PHC3: variants seen among roughly 807,000 people sequenced by gnomAD.
PHC3 encodes polyhomeotic homolog 3, also known as polyhomeotic-like protein 3.
Under a neutral mutation model 107.4 loss-of-function variants are expected in PHC3, and 13 were observed. The observed-to-expected ratio is 0.12, with a 90% confidence interval of 0.08 to 0.19. PHC3 has a LOEUF of 0.19. Among genes scored for constraint, PHC3 ranks in the 10% least tolerant of loss-of-function variants. The pLI is 1.00. For missense variants in PHC3, 992 were observed against 1,210.9 expected, an observed-to-expected ratio of 0.82 and a Z score of 2.68; for synonymous variants, 456 against 427.4, an observed-to-expected ratio of 1.07 and a Z score of -0.83.
chr3:170,163,350 C>A (rs1365164289), intron 4 of PHC3, among the ~76,000 whole-genome samples: 2 of 151,730 alleles, frequency 1.3e-5, no homozygotes, highest in African/African-American at 4.9e-5. Context: ...CAAAATGCAA[C>A]AAGGAAAGAG....
At chr3:170,117,618 T>A in intron 9 of PHC3, 142 bp from the exon 10 acceptor site, 1 of 801,826 alleles carries the variant, frequency 1.2e-6, no homozygotes, top group Non-Finnish European at 1.9e-6. Context: ...AGACCTCATT[T>A]AATCTGTACA....
At chr3:170,154,800 T>C (rs1043087730) in intron 4 of PHC3, among the ~76,000 whole-genome samples, 1 of 152,214 alleles carries the variant, frequency 6.6e-6, no homozygotes, top group Non-Finnish European at 1.5e-5. Flanking sequence ...AACAGATCAG[T>C]AGCCACCTCT....
At chr3:170,164,012 C>T (rs954414994) in intron 4 of PHC3, among the ~76,000 whole-genome samples, 1 of 152,050 alleles carries the variant, frequency 6.6e-6, no homozygotes, top group African/African-American at 2.4e-5. Context: ...ACAGCCTGAG[C>T]AAGACAGCGA....
Position 170,116,319 on chromosome 3 carries a change from C to A in PHC3, c.2193+907G>T, listed in dbSNP as rs150032247. On this transcript the variant is annotated intron_variant, in intron 10 of 14. Transcript: ENST00000495893. ...GTGGGTCACACTTGTAATCCAAGCA[C>A]TTTGGGAGGCTGAGGCGGTAGATCA... is the stretch of plus-strand genomic sequence containing the variant. 5.1e-3 allele frequency among the ~76,000 whole-genome samples: 781 copies of A among 152,218 alleles called. 10 individuals are homozygous for A. Among genetic ancestry groups the A allele is most frequent in the African/African-American group, 0.017 (722 of 41,532 alleles).
chr3:170,158,521 T>C (rs1163754262), intron 4 of PHC3, among the ~76,000 whole-genome samples: 1 of 151,658 alleles, frequency 6.6e-6, no homozygotes, highest in Non-Finnish European at 1.5e-5. Context: ...AGAAATCGCT[T>C]GAACCTGGCT....
chr3:170,177,020 T>A lies in PHC3; in HGVS notation c.180+1753A>T, dbSNP rs1208731837. ...TACCATATTGCCCCAACCTCCATTA[T>A]CATAAATGTTAACTAAGTAAACTTT... On this transcript the variant is annotated intron_variant, in intron 2 of 14. Coordinates refer to ENST00000495893, the MANE Select transcript of PHC3 (RefSeq NM_024947.4). The A allele has an allele frequency of 1.2e-5, 4 of 335,540 alleles. No homozygotes were observed. The East Asian group carries it at 3.2e-4, about 27-fold the overall frequency. 20.8% of individuals were successfully genotyped at this position (335,540 alleles called of 1,614,324 possible).
intron 2 of PHC3, among the ~76,000 whole-genome samples, chr3:170,172,930 G>A (rs1213493679): frequency 2.6e-5 from 4 of 151,872 alleles, no homozygotes; most frequent in African/African-American, 7.3e-5. Flanking sequence ...GGTGGCTCAC[G>A]CCTGTTAATT....
chr3:170,157,117 C>T (rs1428311006), intron 4 of PHC3, among the ~76,000 whole-genome samples: 2 of 152,126 alleles, frequency 1.3e-5, no homozygotes, highest in African/African-American at 2.4e-5. Flanking sequence ...CCAGCAACAG[C>T]GATGGTTATA....
chr3:170,163,688 C>T (rs1327095195), intron 4 of PHC3, among the ~76,000 whole-genome samples: 2 of 151,610 alleles, frequency 1.3e-5, no homozygotes, highest in Non-Finnish European at 2.9e-5. Flanking sequence ...CATGGTGAAA[C>T]CCCATCTCTA....
At chr3:170,153,263 A>T (rs1296587995) in intron 4 of PHC3, among the ~76,000 whole-genome samples, 2 of 152,028 alleles carry the variant, frequency 1.3e-5, no homozygotes, top group Non-Finnish European at 2.9e-5. Context: ...ACACACACAA[A>T]ATCAGTCACG....
In PHC3 at chr3:170,117,085, T is replaced by C. The variant is rs578057539; in HGVS notation, c.2193+141A>G. 7.5e-5 allele frequency: 79 copies of C among 1,051,896 alleles called. No homozygotes were observed. In the South Asian group the frequency reaches 1.2e-3, roughly 16 times the overall value. The allele number at this position is 1,051,896 out of a possible 1,614,324, so 65.2% of individuals were successfully genotyped here. On this transcript the variant is annotated intron_variant, in intron 10 of 14. Transcript: ENST00000495893. The stretch of plus-strand genomic sequence containing the variant: ...CATAAACATTTGGAAATAAAGGAAG[T>C]AGAAAGATAAATGCTAGATTAAAAT...
intron 12 of PHC3, among the ~76,000 whole-genome samples, chr3:170,105,605 A>G (rs1040878934): frequency 6.6e-6 from 1 of 152,238 alleles, no homozygotes; most frequent in African/African-American, 2.4e-5. Context: ...CGATCAAATC[A>G]GTGTACTTGG....
At chr3:170,118,558 C>T (rs1287877260) in intron 9 of PHC3, among the ~76,000 whole-genome samples, 2 of 152,126 alleles carry the variant, frequency 1.3e-5, no homozygotes. Context: ...ACTACAGGCA[C>T]CCACCACCAT....
chr3:170,124,432 G>A (rs1434660517), intron 8 of PHC3, among the ~76,000 whole-genome samples: 6 of 152,110 alleles, frequency 3.9e-5, no homozygotes, highest in African/African-American at 1.4e-4. Flanking sequence ...GCCCAGGCTG[G>A]AGTGCAGTGG....
intron 11 of PHC3, among the ~76,000 whole-genome samples, chr3:170,109,585 A>G (rs533259358): frequency 6.6e-6 from 1 of 152,246 alleles, no homozygotes; most frequent in African/African-American, 2.4e-5. Flanking sequence ...CTGCTTCCTA[A>G]TCTAGATCCC....
intron 12 of PHC3, among the ~76,000 whole-genome samples, chr3:170,103,405 A>T (rs1475115530): frequency 6.6e-6 from 1 of 152,218 alleles, no homozygotes; most frequent in Non-Finnish European, 1.5e-5. Flanking sequence ...CTAACAAAAG[A>T]TTTTTCAAAT....
chr3:170,140,382 T>C (rs531155763), intron 6 of PHC3, among the ~76,000 whole-genome samples: 1 of 151,092 alleles, frequency 6.6e-6, no homozygotes, highest in South Asian at 2.1e-4. Flanking sequence ...GCCTCCTGAG[T>C]AGCTAGGACT....
intron 14 of PHC3, among the ~76,000 whole-genome samples, chr3:170,101,461 GATTA>G (rs1321783599): frequency 1.3e-5 from 2 of 152,146 alleles, no homozygotes; most frequent in African/African-American, 2.4e-5. Context: ...AACAACAGCT[GATTA>G]ATTAGCTTAT....
chr3:170,102,515 C>A lies in PHC3; in HGVS notation c.2797G>T (p.Val933Phe). Residue 933 changes from valine to phenylalanine, a missense_variant, in exon 14 of 15, where the codon GTT (valine) becomes TTT (phenylalanine). Val to Phe is a conservative substitution (Grantham distance 50). Around this residue, in one of 6 missense-constraint regions of PHC3, gnomAD observed 228 missense variants for 288.8 expected, o/e 0.79. Coordinates refer to ENST00000495893, the MANE Select transcript of PHC3 (RefSeq NM_024947.4). Reference protein sequence around the residue: ...VAQTEPSIWTVDDVWAFIHSL... With the variant: ...VAQTEPSIWTFDDVWAFIHSL... ...TGGATGAAGGCCCAGACATCATCAACTGTCCATATAGATGGCTCTGTTTGT... is the reference window on the plus strand; with the variant it reads ...TGGATGAAGGCCCAGACATCATCAAATGTCCATATAGATGGCTCTGTTTGT... 6.2e-7 allele frequency: 1 copy of A among 1,613,836 alleles called. No individual in the cohort carries two copies. Among genetic ancestry groups the A allele is most frequent in the Non-Finnish European group, 8.5e-7 (1 of 1,179,816 alleles).
Sources: gnomAD v4.1 joint callset for allele counts (sites outside exome capture counted in the v4.1 genomes callset) on GRCh38, gnomAD v4.1.1 for gene constraint, gnomAD v4.1.1 regional missense constraint, MANE v1.5 for transcripts, NCBI Gene and HGNC (gene_info 2026-07-23, HGNC 2026-07-21) for gene names.